The following CNOT8 variants were observed in gnomAD, a reference collection of about 807,000 sequenced individuals.
CNOT8 encodes CCR4-NOT transcription complex subunit 8.
In CNOT8, 18 loss-of-function variants were observed where a neutral mutation model predicts 34.6. The ratio of observed to expected loss-of-function variants is 0.52; its 90% CI spans 0.36 to 0.77. The LOEUF is 0.77. Among genes scored for constraint, CNOT8 ranks in the 30% least tolerant of loss-of-function variants. CNOT8 has a pLI of 0.00. For missense variants in CNOT8, 189 were observed against 347.9 expected, an observed-to-expected ratio of 0.54 and a Z score of 3.63; for synonymous variants, 101 against 118.8, an observed-to-expected ratio of 0.85 and a Z score of 0.98.
chr5:154,871,618 G>C, intron 4 of CNOT8, 112 bp from the exon 5 acceptor site: 1 of 641,118 alleles, frequency 1.6e-6, no homozygotes, highest in Non-Finnish European at 2.6e-6. Context: ...CTCAGAAAAA[G>C]TGAAAGTTCC....
upstream of CNOT8, chr5:154,858,622 G>A (rs1368421298): frequency 2.0e-5 from 3 of 152,222 alleles, no homozygotes; most frequent in African/African-American, 7.2e-5. Flanking sequence ...TCACCTCACT[G>A]GCTCGTTCGG....
chr5:154,873,947 A>G (rs1221287291), intron 6 of CNOT8, among the ~76,000 whole-genome samples: 2 of 152,202 alleles, frequency 1.3e-5, no homozygotes, highest in African/African-American at 4.8e-5. Flanking sequence ...GTTCCCCCAA[A>G]TAATTATCCT....
upstream of CNOT8, chr5:154,858,288 T>C (rs143743187): frequency 1.8e-4 from 27 of 151,988 alleles, no homozygotes; most frequent in East Asian, 5.1e-3. Flanking sequence ...CATGATTAAA[T>C]TGAGCGAGCG....
At chr5:154,863,817 G>A (rs897591221) in intron 2 of CNOT8, among the ~76,000 whole-genome samples, 8 of 152,014 alleles carry the variant, frequency 5.3e-5, no homozygotes, top group South Asian at 4.1e-4. Context: ...CAGAAGTTAC[G>A]TCATCCCCTA....
In CNOT8 at chr5:154,871,744, G is replaced by C; in HGVS notation, c.488G>C (p.Gly163Ala). The C allele has an allele frequency of 6.2e-7, 1 of 1,613,876 alleles. No individual in the cohort carries two copies. Among genetic ancestry groups the C allele is most frequent in the Non-Finnish European group, 8.5e-7 (1 of 1,179,926 alleles). Residue 163 changes from glycine to alanine, a missense_variant, in exon 5 of 7, where the codon GGC (glycine) becomes GCC (alanine). Gly to Ala is a moderately conservative substitution (Grantham distance 60). Coordinates refer to ENST00000285896, the MANE Select transcript of CNOT8 (RefSeq NM_001301073.2). ...TTCTCTTGTAGTGGCTATGATTTTGGCTATATGGTAAAGTTGCTTACAGAT... is the reference window on the plus strand; with the variant it reads ...TTCTCTTGTAGTGGCTATGATTTTGCCTATATGGTAAAGTTGCTTACAGAT... ...WLSFHSGYDFGYMVKLLTDSR... is the reference protein window; with the variant it reads ...WLSFHSGYDFAYMVKLLTDSR...
rs549547372 is a variant in CNOT8 at position 154,866,140 on chromosome 5, G to C, written c.311+755G>C. Among the ~76,000 whole-genome samples, 7 of 152,204 alleles carry C rather than the reference G, an allele frequency of 4.6e-5. No homozygotes were observed. In the East Asian group the frequency reaches 1.4e-3, roughly 29 times the overall value. ...TCCTGCTTTGTTTAACTGGGCATCGGGAGTGTTTCATGATTTAGGAGTAAT... is the reference window on the plus strand; with the variant it reads ...TCCTGCTTTGTTTAACTGGGCATCGCGAGTGTTTCATGATTTAGGAGTAAT... On this transcript the variant is annotated intron_variant, in intron 3 of 6. Coordinates refer to ENST00000285896, the MANE Select transcript of CNOT8 (RefSeq NM_001301073.2).
chr5:154,864,323 G>A (rs1761652553), intron 2 of CNOT8, among the ~76,000 whole-genome samples: 1 of 152,148 alleles, frequency 6.6e-6, no homozygotes, highest in Non-Finnish European at 1.5e-5. Context: ...AGCCGGGCAT[G>A]GTGGTGGGCG....
chr5:154,863,203 C>A lies in CNOT8; in HGVS notation c.-72-4C>A. 1 of 964,328 alleles carries A rather than the reference C, an allele frequency of 1.0e-6. No homozygotes were observed. The highest frequency in any genetic ancestry group is 1.3e-5 in the South Asian group (1 of 77,180). 59.7% of individuals were successfully genotyped at this position (964,328 alleles called of 1,614,324 possible). ...ACATGATTTTAAAATGTTTTACAAT[C>A]TAGATCAGACCAAACATTGTCTGGC... On this transcript the variant is annotated splice_region_variant and splice_polypyrimidine_tract_variant and intron_variant, in intron 1 of 6. Transcript: ENST00000285896.
intron 1 of CNOT8, among the ~76,000 whole-genome samples, 170 bp from the exon 2 acceptor site, chr5:154,863,035 ATG>A (rs371515354): frequency 1.3e-5 from 2 of 151,442 alleles, no homozygotes; most frequent in African/African-American, 4.8e-5. Context: ...GCGTGTGTGC[ATG>A]TGTGTGTGTG....
At chr5:154,868,268 C>CTT (rs543872202) in intron 3 of CNOT8, among the ~76,000 whole-genome samples, 13 of 103,926 alleles carry the variant, frequency 1.3e-4, no homozygotes, top group East Asian at 5.1e-4. Flanking sequence ...CTTTTCTTTT[C>CTT]TTTTTTTTTT....
At chr5:154,872,512 T>C in intron 5 of CNOT8, 29 bp from the exon 6 acceptor site, 1 of 1,477,352 alleles carries the variant, frequency 6.8e-7, no homozygotes, top group Non-Finnish European at 9.4e-7. Flanking sequence ...GGGTTTGTAA[T>C]ATTATCTTTG....
At chr5:154,875,123 G>T (rs1762828569) in intron 6 of CNOT8, among the ~76,000 whole-genome samples, 167 bp from the exon 7 acceptor site, 1 of 152,066 alleles carries the variant, frequency 6.6e-6, no homozygotes, top group Non-Finnish European at 1.5e-5. Context: ...TGCCATGTTG[G>T]CCAGGCTGGT....
chr5:154,875,103 G>A lies in CNOT8; in HGVS notation c.730-187G>A, dbSNP rs1236603776. 3.3e-5 allele frequency among the ~76,000 whole-genome samples: 5 copies of A among 152,186 alleles called. No individual in the cohort carries two copies. The Middle Eastern group carries it at 0.01, about 311-fold the overall frequency. On this transcript the variant is annotated intron_variant, in intron 6 of 6. Transcript: ENST00000285896. Reference sequence around the variant, plus strand: ...GGCTCATTTTTGTACTTTTAGTAGAGATGGGGTTTTGCCATGTTGGCCAGG... The same window carrying A: ...GGCTCATTTTTGTACTTTTAGTAGAAATGGGGTTTTGCCATGTTGGCCAGG...
intron 1 of CNOT8, among the ~76,000 whole-genome samples, chr5:154,860,417 C>T (rs1336579061): frequency 1.3e-5 from 2 of 152,064 alleles, no homozygotes; most frequent in African/African-American, 4.8e-5. Flanking sequence ...AGTGATCCTC[C>T]CAGCTCAGTC....
intron 1 of CNOT8, 21 bp downstream of exon 1, chr5:154,858,789 C>T (rs1051254443): frequency 2.7e-5 from 4 of 145,964 alleles, no homozygotes; most frequent in African/African-American, 1.0e-4. Context: ...CTGCGCTTAC[C>T]GGAAAGAGGA....
chr5:154,872,796 C>G (rs1424409167), intron 6 of CNOT8, 145 bp downstream of exon 6: 4 of 333,802 alleles, frequency 1.2e-5, no homozygotes, highest in Non-Finnish European at 2.1e-5. Context: ...TGAGATGAAG[C>G]CTTGCTCTGT....
chr5:154,865,134 C>T, intron 2 of CNOT8, 58 bp from the exon 3 acceptor site: 3 of 1,295,496 alleles, frequency 2.3e-6, no homozygotes, highest in Non-Finnish European at 3.1e-6. Flanking sequence ...TATGAATTAC[C>T]AATTCAGCAT....
intron 1 of CNOT8, among the ~76,000 whole-genome samples, chr5:154,860,999 G>C (rs1245456763): frequency 6.6e-6 from 1 of 152,132 alleles, no homozygotes; most frequent in African/African-American, 2.4e-5. Flanking sequence ...TTCCTCCAAA[G>C]TAGTTATGGT....
intron 1 of CNOT8, among the ~76,000 whole-genome samples, chr5:154,862,898 G>A (rs1024766159): frequency 1.3e-5 from 2 of 152,132 alleles, no homozygotes; most frequent in South Asian, 2.1e-4. Flanking sequence ...TTGTGGTAAC[G>A]GAATTATTTT....
Sources: allele counts gnomAD v4.1 joint callset (sites outside exome capture counted in the v4.1 genomes callset), GRCh38; gene constraint gnomAD v4.1.1; transcripts MANE v1.5; gene names NCBI Gene and HGNC (gene_info 2026-07-23, HGNC 2026-07-21).